The following MACF1 variants were observed in gnomAD, a reference collection of about 807,000 sequenced individuals.
MACF1 encodes the protein microtubule actin crosslinking factor 1, also known as microtubule-actin cross-linking factor 1.
MACF1 carries 193 observed loss-of-function variants against 854.8 expected under a neutral mutation model. The observed-to-expected ratio is 0.23, with a 90% CI of 0.20 to 0.25. The LOEUF (loss-of-function observed/expected upper bound fraction) is 0.25. MACF1 is among the 10% of genes least tolerant of loss of function. The pLI is 1.00. For synonymous variants in MACF1, 3,185 were observed against 3,226.7 expected, an observed-to-expected ratio of 0.99 and a Z score of 0.44; for missense variants, 7,722 against 8,929.1, an observed-to-expected ratio of 0.86 and a Z score of 5.45.
chr1:39,413,739 C>T (rs371382486), intron 58 of MACF1: 100 of 1,605,554 alleles, frequency 6.2e-5, no homozygotes, highest in African/African-American at 9.4e-5. Flanking sequence ...AATCCGCCTC[C>T]GCAGCTGTTG....
At position 39,317,353 on chromosome 1, in the gene MACF1, A is replaced by T. The variant is rs62622784; in HGVS notation, c.3728A>T (p.Lys1243Ile). 2.7e-3 allele frequency: 4,384 copies of T among 1,613,644 alleles called. 80 individuals carry two copies. The African/African-American group carries it at 0.047, about 17-fold the overall frequency. ...RNLDLERYQE[K>I]GSQLQERWHR... is the part of the protein sequence containing the mutation. ...CTGGATTTGGAGCGCTATCAGGAAA[A>T]AGGCTCCCAGCTGCAGGAGCGTTGG... The change falls in exon 29 of 101, where the codon AAA becomes ATA. Residue 1243 changes from lysine to isoleucine, a missense_variant. Coordinates refer to ENST00000564288, the MANE Select transcript of MACF1 (RefSeq NM_001394062.1).
rs571641086 is a variant in MACF1 at position 39,266,838 on chromosome 1, T to C, written c.528+8810T>C. On this transcript the variant is annotated intron_variant, in intron 6 of 100. Coordinates refer to ENST00000564288, the MANE Select transcript of MACF1 (RefSeq NM_001394062.1). ...ATAGCAGATACTATACTAAAAAAAATTGGGGTGGAGGAATCTTCACTGACA... is the reference window on the plus strand; with the variant it reads ...ATAGCAGATACTATACTAAAAAAAACTGGGGTGGAGGAATCTTCACTGACA... 1.1e-3 allele frequency among the ~76,000 whole-genome samples: 165 copies of C among 152,240 alleles called. 1 individual carries two copies. Among genetic ancestry groups the C allele is most frequent in the African/African-American group, 3.7e-3 (155 of 41,532 alleles).
intron 97 of MACF1, among the ~76,000 whole-genome samples, chr1:39,476,172 T>A (rs1276637022): frequency 6.6e-6 from 1 of 152,206 alleles, no homozygotes; most frequent in Non-Finnish European, 1.5e-5. Flanking sequence ...GTAAAACATT[T>A]TGGAATCAGC....
At chr1:39,427,830 T>C in intron 62 of MACF1, 131 bp from the exon 63 acceptor site, 6 of 929,798 alleles carry the variant, frequency 6.5e-6, no homozygotes, top group Non-Finnish European at 9.5e-6. Flanking sequence ...CCAATTTTTA[T>C]ATTATTTTTG....
chr1:39,250,014 G>A lies in MACF1; in HGVS notation c.172G>A (p.Val58Ile). The change falls in exon 3 of 101, where the codon GTC becomes ATC. Residue 58 changes from valine (V) to isoleucine (I), a missense_variant and splice_region_variant. By Grantham distance (29) the Val-to-Ile change is conservative. Transcript: ENST00000564288. ...TKWVNKHLMK[V>I]RKHINDLYED... ...CTGTCTGTTTCACTCTCATTCACAG[G>A]TCCGCAAGCACATCAATGATCTTTA... The A allele has an allele frequency of 6.3e-7, 1 of 1,597,868 alleles. No homozygotes were observed.
Position 39,240,187 on chromosome 1 carries a change from A to C in MACF1, c.171+8944A>C, listed in dbSNP as rs563331776. Among the ~76,000 whole-genome samples, 3 of 152,346 alleles carry C rather than the reference A, an allele frequency of 2.0e-5. No homozygotes were observed. The East Asian group carries it at 5.8e-4, about 29-fold the overall frequency. ...CACTGGCTCCCTAATCACTGGGTGGAACTTCATACTTTTTGCGTATTCATG... is the reference window on the plus strand; with the variant it reads ...CACTGGCTCCCTAATCACTGGGTGGCACTTCATACTTTTTGCGTATTCATG... On this transcript the variant is annotated intron_variant, in intron 2 of 100. Coordinates refer to ENST00000564288, the MANE Select transcript of MACF1 (RefSeq NM_001394062.1).
intron 2 of MACF1, chr1:39,102,756 G>A (rs188263832): frequency 1.0e-5 from 7 of 702,514 alleles, no homozygotes; most frequent in East Asian, 2.7e-5. Flanking sequence ...TCTTAGAAAT[G>A]CAGCAGCAGT....
chr1:39,285,633 G>A lies in MACF1; in HGVS notation c.1383G>A (p.Pro461=), dbSNP rs746529212. Residue 461 remains proline, a synonymous_variant, in exon 14 of 101, where the codon CCG becomes CCA. Transcript: ENST00000564288. ...CTGCTCACCTGGAATCAGGACAACC[G>A]GTACAATGTGAGTCAGATGTCATTA... The part of the protein sequence containing the change: ...ADAAHLESGQ[P]VQCESDVIMY... 21 of 1,613,692 alleles carry A rather than the reference G, an allele frequency of 1.3e-5. No individual in the cohort carries two copies. The Admixed American group carries it at 1.7e-4, about 13-fold the overall frequency.
chr1:39,484,658 C>G lies in MACF1; in HGVS notation c.22339C>G (p.Arg7447Gly), dbSNP rs772283186. The G allele has an allele frequency of 1.2e-6, 2 of 1,613,968 alleles. No individual in the cohort carries two copies. The highest frequency in any genetic ancestry group is 1.6e-4 in the Middle Eastern group (1 of 6,062). Residue 7447 changes from arginine to glycine, a missense_variant, in exon 100 of 101, where the codon CGG becomes GGG. Arg to Gly is a moderately radical substitution (Grantham distance 125). Transcript: ENST00000564288. ...KRPTPTFHSS[R>G]TSLAGDTSNS... ...ACCAACACCAACTTTTCATTCTAGT[C>G]GGACATCCCTTGCTGGTGATACCAG...
rs191043479 is a variant in MACF1, at chr1:39,292,711, C to T, written c.1915-55C>T. 2.7e-4 allele frequency: 339 copies of T among 1,241,808 alleles called. 1 individual carries two copies. The highest frequency in any genetic ancestry group is 1.3e-3 in the Middle Eastern group (7 of 5,312). 76.9% of individuals were successfully genotyped at this position (1,241,808 alleles called of 1,614,324 possible). A position where few individuals can be genotyped will look rare whatever the true frequency, so the allele number is the denominator to read the frequency against. On this transcript the variant is annotated intron_variant, in intron 16 of 100. Coordinates refer to ENST00000564288, the MANE Select transcript of MACF1 (RefSeq NM_001394062.1). ...TATTTGCATAGTTGCAACCATAACA[C>T]GTAGTTTACTTACTCTTTCTCTAAT...
Position 39,388,199 on chromosome 1 carries a change from G to A in MACF1, c.15357G>A (p.Glu5119=), listed in dbSNP as rs376131402. 10 of 1,614,092 alleles carry A rather than the reference G, an allele frequency of 6.2e-6. No individual in the cohort carries two copies. The African/African-American group carries it at 1.2e-4, about 19-fold the overall frequency. The change falls in exon 58 of 101, where the codon GAG becomes GAA. Residue 5119 remains glutamate, a synonymous_variant. Transcript: ENST00000564288. ...GTGTGATGATGGAAAACAAGCTGGA[G>A]GGGATTGGCCAGTTTCACTGCCGGG... is the stretch of plus-strand genomic sequence containing the variant. The part of the protein sequence containing the change: ...SGCVMMENKL[E]GIGQFHCRVR...
chr1:39,265,886 T>C (rs1006330471), intron 6 of MACF1, among the ~76,000 whole-genome samples: 2 of 152,176 alleles, frequency 1.3e-5, no homozygotes, highest in East Asian at 3.8e-4. Flanking sequence ...TTTATGGACA[T>C]TATCTCATTA....
chr1:39,417,087 T>C (rs1469481433), intron 58 of MACF1, among the ~76,000 whole-genome samples: 2 of 152,330 alleles, frequency 1.3e-5, no homozygotes, highest in African/African-American at 2.4e-5. Flanking sequence ...TACTTAGAAC[T>C]CAACAAGTGA....
At chr1:39,349,741 T>C in intron 42 of MACF1, 114 bp downstream of exon 42, 1 of 1,117,112 alleles carries the variant, frequency 9.0e-7, no homozygotes, top group South Asian at 1.8e-5. Flanking sequence ...CAGGCAATCC[T>C]CCCACCTCAG....
chr1:39,225,095 G>T (rs986109705), intron 1 of MACF1, among the ~76,000 whole-genome samples: 3 of 152,174 alleles, frequency 2.0e-5, no homozygotes, highest in Non-Finnish European at 2.9e-5. Flanking sequence ...GAAGCAGGAG[G>T]ATTGCTTGAG....
intron 2 of MACF1, among the ~76,000 whole-genome samples, chr1:39,106,246 G>A (rs1334692410): frequency 6.6e-6 from 1 of 152,196 alleles, no homozygotes; most frequent in Admixed American, 6.5e-5. Flanking sequence ...GGGTGAGTGT[G>A]CAGTTTTTGG....
Position 39,430,080 on chromosome 1 carries a change from C to T in MACF1, c.17130+12C>T, listed in dbSNP as rs2148649615. Reference sequence around the variant, plus strand: ...AGCAGAGACAGAAGGTGAGCTGTTACTTTACCATAAAAAGAAAAAAAGGCT... The same window carrying T: ...AGCAGAGACAGAAGGTGAGCTGTTATTTTACCATAAAAAGAAAAAAAGGCT... On this transcript the variant is annotated intron_variant, in intron 65 of 100. Transcript: ENST00000564288. The T allele has an allele frequency of 6.2e-7, 1 of 1,601,610 alleles. No homozygotes were observed.
chr1:39,154,164 A>T (rs1322664577), intron 2 of MACF1: 2 of 152,042 alleles, frequency 1.3e-5, no homozygotes, highest in Non-Finnish European at 2.9e-5. Context: ...TAGTTTGATG[A>T]CCCCATGACC....
chr1:39,452,871 C>T, intron 87 of MACF1, 59 bp downstream of exon 87: 1 of 1,569,100 alleles, frequency 6.4e-7, no homozygotes, highest in Non-Finnish European at 8.7e-7. Flanking sequence ...GGGCTGCCTA[C>T]CACTAAATGA....
Sources: allele counts gnomAD v4.1 joint callset (sites outside exome capture counted in the v4.1 genomes callset), GRCh38; gene constraint gnomAD v4.1.1; transcripts MANE v1.5; gene names NCBI Gene and HGNC (gene_info 2026-07-23, HGNC 2026-07-21).